Variants in QTMAN observed in about 807,000 individuals in gnomAD.
The protein encoded by QTMAN is tRNA-queuosine alpha-mannosyltransferase.
chr2:144,071,450 A>G, the QTMAN span, among the ~76,000 whole-genome samples: 5 of 152,256 alleles, frequency 3.3e-5, no homozygotes, highest in African/African-American at 1.2e-4. Context: ...ACCCTTTTTT[A>G]GATTGGGCAC....
chr2:143,946,709 G>A, the QTMAN span: 63 of 233,818 alleles, frequency 2.7e-4, 1 homozygote, highest in East Asian at 5.3e-3. Context: ...GGATTCAACC[G>A]GAAATTCAAT....
chr2:144,101,967 G>A, the QTMAN span, among the ~76,000 whole-genome samples: 1 of 152,138 alleles, frequency 6.6e-6, no homozygotes, highest in African/African-American at 2.4e-5. Context: ...TCTACCATAT[G>A]TGAAGCACCT....
At chr2:143,992,535 AAAAT>A in the QTMAN span, among the ~76,000 whole-genome samples, 73 of 151,582 alleles carry the variant, frequency 4.8e-4, no homozygotes, top group East Asian at 1.4e-3. Context: ...GATCAATAAA[AAAAT>A]AAATAAATAA....
At chr2:144,325,095 G>A in the QTMAN span, among the ~76,000 whole-genome samples, 2 of 152,306 alleles carry the variant, frequency 1.3e-5, no homozygotes, top group African/African-American at 4.8e-5. Flanking sequence ...TACACTACAA[G>A]ATAGCTGCTT....
At chr2:144,215,011 G>C in the QTMAN span, among the ~76,000 whole-genome samples, 1 of 152,056 alleles carries the variant, frequency 6.6e-6, no homozygotes, top group Non-Finnish European at 1.5e-5. Context: ...GGGAGGCTGA[G>C]GTAGGAGAAC....
At chr2:144,031,366 G>C in the QTMAN span, among the ~76,000 whole-genome samples, 186 of 152,242 alleles carry the variant, frequency 1.2e-3, no homozygotes, top group African/African-American at 4.3e-3. Flanking sequence ...GATATAAAGA[G>C]CAAACAGGTG....
chr2:144,023,199 A>T, the QTMAN span, among the ~76,000 whole-genome samples: 21 of 152,136 alleles, frequency 1.4e-4, no homozygotes, highest in Non-Finnish European at 2.9e-4. Context: ...GAGGAAGGTG[A>T]CAAGTTCACT....
the QTMAN span, among the ~76,000 whole-genome samples, chr2:144,085,295 A>G: frequency 6.6e-6 from 1 of 152,254 alleles, no homozygotes; most frequent in Non-Finnish European, 1.5e-5. Flanking sequence ...TAGGACATGC[A>G]CTAAAAGTCA....
chr2:144,290,580 G>C, the QTMAN span, among the ~76,000 whole-genome samples: 13 of 152,148 alleles, frequency 8.5e-5, no homozygotes, highest in Non-Finnish European at 1.8e-4. Flanking sequence ...GCTGTCAATG[G>C]TTTAGAAGGC....
the QTMAN span, among the ~76,000 whole-genome samples, chr2:144,236,687 CCAAA>C: frequency 1.3e-5 from 2 of 151,804 alleles, no homozygotes; most frequent in African/African-American, 2.4e-5. Context: ...AATGTGGCTC[CCAAA>C]CAGTCTACAT....
the QTMAN span, among the ~76,000 whole-genome samples, chr2:144,330,290 G>A: frequency 6.6e-6 from 1 of 152,178 alleles, no homozygotes; most frequent in African/African-American, 2.4e-5. Flanking sequence ...GCTGAACAGG[G>A]ATGTAGCCCA....
chr2:143,985,656 T>G, the QTMAN span, among the ~76,000 whole-genome samples: 1 of 152,216 alleles, frequency 6.6e-6, no homozygotes, highest in African/African-American at 2.4e-5. Context: ...GCTTTCTAAA[T>G]GAGAAACTTT....
the QTMAN span, among the ~76,000 whole-genome samples, chr2:143,995,449 A>G: frequency 6.6e-6 from 1 of 152,202 alleles, no homozygotes; most frequent in Non-Finnish European, 1.5e-5. Context: ...ATGTTTAGTA[A>G]GTGCTTACTC....
chr2:144,173,494 C>T, the QTMAN span, among the ~76,000 whole-genome samples: 1 of 152,126 alleles, frequency 6.6e-6, no homozygotes, highest in Non-Finnish European at 1.5e-5. Flanking sequence ...GAAACTAAAG[C>T]CTTTAGTCCA....
chr2:144,065,567 T>C, the QTMAN span, among the ~76,000 whole-genome samples: 1 of 152,196 alleles, frequency 6.6e-6, no homozygotes, highest in African/African-American at 2.4e-5. Flanking sequence ...TAGCCACTCC[T>C]TCCACTTGCC....
the QTMAN span, among the ~76,000 whole-genome samples, chr2:144,205,471 G>A: frequency 6.6e-6 from 1 of 152,156 alleles, no homozygotes; most frequent in African/African-American, 2.4e-5. Flanking sequence ...AGGAGAGTAG[G>A]GAAAATTTGG....
At chr2:144,297,301 C>A in the QTMAN span, among the ~76,000 whole-genome samples, 1 of 152,196 alleles carries the variant, frequency 6.6e-6, no homozygotes, top group Non-Finnish European at 1.5e-5. Context: ...TAAAAGTGTG[C>A]CTGCCAGCTT....
the QTMAN span, among the ~76,000 whole-genome samples, chr2:144,172,806 A>G: frequency 6.6e-6 from 1 of 152,076 alleles, no homozygotes; most frequent in African/African-American, 2.4e-5. Flanking sequence ...ACCTAAGATT[A>G]TGCCTTACCT....
the QTMAN span, among the ~76,000 whole-genome samples, chr2:144,010,883 T>A: frequency 1.3e-5 from 2 of 152,082 alleles, no homozygotes; most frequent in African/African-American, 4.8e-5. Context: ...AAATTAAGAA[T>A]GGGAAAATTT....
Sources: gnomAD v4.1 joint callset for allele counts (sites outside exome capture counted in the v4.1 genomes callset) on GRCh38, gnomAD v4.1.1 for gene constraint, MANE v1.5 for transcripts, NCBI Gene and HGNC (gene_info 2026-07-23, HGNC 2026-07-21) for gene names.